Variants in PLS3 observed in about 807,000 individuals in gnomAD.
PLS3 encodes the protein plastin 3.
Under a neutral mutation model 46.5 loss-of-function variants are expected in PLS3, and 11 were observed. That is an observed-to-expected ratio of 0.24 (90% CI 0.15 to 0.39). PLS3 has a LOEUF of 0.39. Ranked by LOEUF, PLS3 falls within the 10% of genes least tolerant of loss-of-function variation. PLS3 has a pLI of 1.00. For missense variants in PLS3, 308 were observed against 461.8 expected, an observed-to-expected ratio of 0.67 and a Z score of 3.05; for synonymous variants, 167 against 162.2, an observed-to-expected ratio of 1.03 and a Z score of -0.22.
intron 13 of PLS3, 88 bp from the exon 14 acceptor site, chrX:115,647,462 T>A: frequency 1.1e-6 from 1 of 901,448 alleles, no homozygotes; most frequent in Non-Finnish European, 1.6e-6. Flanking sequence ...TTAAGAAATA[T>A]AAAAAGTGGA....
chrX:115,618,869 T>G (rs945614684), intron 2 of PLS3, among the ~76,000 whole-genome samples: 1 of 111,522 alleles, frequency 9.0e-6, no homozygotes, highest in Non-Finnish European at 1.9e-5. Context: ...CCAGCCTGGG[T>G]GACAGAGTGA....
chrX:115,583,361 T>C, intron 1 of PLS3, among the ~76,000 whole-genome samples: 1 of 112,675 alleles, frequency 8.9e-6, no homozygotes, highest in South Asian at 3.6e-4. Flanking sequence ...AATTAATTTG[T>C]ATTGTGTTTT....
intron 1 of PLS3, among the ~76,000 whole-genome samples, chrX:115,587,689 C>G (rs973414511): frequency 2.8e-5 from 3 of 105,942 alleles, no homozygotes; most frequent in East Asian, 6.0e-4. Flanking sequence ...GAGCCGAGAT[C>G]GCGCCACTGC....
intron 5 of PLS3, among the ~76,000 whole-genome samples, chrX:115,630,831 A>G (rs1471086358): frequency 4.3e-5 from 4 of 92,765 alleles, no homozygotes; most frequent in Non-Finnish European, 8.1e-5. Context: ...ATACATGTAT[A>G]TATGTATATA....
At chrX:115,623,023 C>A (rs950149563) in intron 3 of PLS3, among the ~76,000 whole-genome samples, 2 of 111,217 alleles carry the variant, frequency 1.8e-5, no homozygotes, top group African/African-American at 6.5e-5. Flanking sequence ...TTCACCCCCC[C>A]ACCCCACTCC....
intron 3 of PLS3, 106 bp downstream of exon 3, chrX:115,622,515 ATT>A: frequency 2.2e-6 from 1 of 446,456 alleles, no homozygotes; most frequent in Non-Finnish European, 3.7e-6. Context: ...AATATATCAT[ATT>A]AGTACTGTTA....
intron 5 of PLS3, among the ~76,000 whole-genome samples, chrX:115,632,324 A>G (rs1001607401): frequency 4.5e-5 from 5 of 110,853 alleles, no homozygotes; most frequent in Non-Finnish European, 9.4e-5. Flanking sequence ...AGCCAGGCAT[A>G]GTGGCTCGCA....
intron 8 of PLS3, among the ~76,000 whole-genome samples, chrX:115,637,598 A>G (rs1178591796): frequency 2.7e-5 from 3 of 111,706 alleles, no homozygotes; most frequent in Non-Finnish European, 5.6e-5. Flanking sequence ...AAAACTAACA[A>G]TGGAGGAAGA....
chrX:115,646,419 T>C lies in PLS3; in HGVS notation c.1395T>C (p.Tyr465=). ...ANMKKLENCN[Y]AVELGKHPAK... ...CTTTGCAGCTAGAAAACTGCAACTA[T>C]GCTGTTGAATTAGGGAAGCATCCTG... Residue 465 remains tyrosine (Y), a synonymous_variant, in exon 13 of 16, where the codon TAT becomes TAC. Coordinates refer to ENST00000355899, the MANE Select transcript of PLS3 (RefSeq NM_005032.7). 3.3e-6 allele frequency: 4 copies of C among 1,209,948 alleles called. No homozygotes were observed. The highest frequency in any genetic ancestry group is 4.5e-6 in the Non-Finnish European group (4 of 893,981).
intron 4 of PLS3, 114 bp from the exon 5 acceptor site, chrX:115,629,721 A>G: frequency 2.1e-6 from 1 of 474,265 alleles, no homozygotes; most frequent in Non-Finnish European, 3.5e-6. Flanking sequence ...GAATAACCAC[A>G]TGTTTCTGAC....
intron 1 of PLS3, among the ~76,000 whole-genome samples, chrX:115,580,673 G>T (rs1025629221): frequency 9.0e-6 from 1 of 111,564 alleles, no homozygotes; most frequent in South Asian, 3.7e-4. Context: ...AAAGAAGCTT[G>T]TCTATAACTA....
At chrX:115,615,399 T>G (rs2074587206) in intron 2 of PLS3, among the ~76,000 whole-genome samples, 1 of 106,177 alleles carries the variant, frequency 9.4e-6, no homozygotes, top group Non-Finnish European at 1.9e-5. Flanking sequence ...GGCGGGGGAG[T>G]TAAATAGTAT....
intron 5 of PLS3, among the ~76,000 whole-genome samples, chrX:115,633,450 G>A (rs1309162258): frequency 8.1e-5 from 9 of 111,141 alleles, no homozygotes; most frequent in African/African-American, 2.3e-4. Flanking sequence ...GATTACAGGC[G>A]TGAGCCACCA....
At chrX:115,630,854 ATG>A (rs782685538) in intron 5 of PLS3, among the ~76,000 whole-genome samples, 5,895 of 87,645 alleles carry the variant, frequency 0.067, 537 homozygotes, top group African/African-American at 0.21. Context: ...TGTATAATAT[ATG>A]TATATTATAC....
intron 6 of PLS3, among the ~76,000 whole-genome samples, chrX:115,634,646 C>T (rs1349812166): frequency 6.2e-5 from 7 of 112,187 alleles, no homozygotes; most frequent in Admixed American, 5.7e-4. Context: ...AATAAAAATA[C>T]AAAGTTAACT....
intron 1 of PLS3, among the ~76,000 whole-genome samples, chrX:115,575,617 GTATTTT>G (rs1406657046): frequency 9.0e-6 from 1 of 111,175 alleles, no homozygotes; most frequent in African/African-American, 3.3e-5. Flanking sequence ...CTAATTTTTT[GTATTTT>G]TAGTAGAGAC....
At chrX:115,596,880 C>T (rs373892025) in intron 1 of PLS3, among the ~76,000 whole-genome samples, 1 of 108,230 alleles carries the variant, frequency 9.2e-6, no homozygotes, top group South Asian at 4.2e-4. Context: ...TGCGGTGGCT[C>T]ACTCCTGTAA....
Position 115,645,046 on chromosome X carries a change from C to G in PLS3, c.1209C>G (p.Phe403Leu), listed in dbSNP as rs2074937050. 2.5e-6 allele frequency: 3 copies of G among 1,196,663 alleles called. No individual in the cohort carries two copies. The highest frequency in any genetic ancestry group is 3.4e-6 in the Non-Finnish European group (3 of 882,227). Residue 403 changes from phenylalanine (F) to leucine (L), a missense_variant, in exon 11 of 16, where the codon TTC becomes TTG. Coordinates refer to ENST00000355899, the MANE Select transcript of PLS3 (RefSeq NM_005032.7). ...GAGAAACTCGTGAAGAAAGAACCTT[C>G]CGTAACTGGATGAACTCTCTTGGTG... Reference protein sequence around the residue: ...LEGETREERTFRNWMNSLGVN... With the variant: ...LEGETREERTLRNWMNSLGVN...
intron 1 of PLS3, among the ~76,000 whole-genome samples, chrX:115,604,124 G>A (rs2074469385): frequency 8.9e-6 from 1 of 112,018 alleles, no homozygotes; most frequent in African/African-American, 3.2e-5. Context: ...AAAAGTGACT[G>A]ACAGGTTTTC....
Sources: allele counts gnomAD v4.1 joint callset (sites outside exome capture counted in the v4.1 genomes callset), GRCh38; gene constraint gnomAD v4.1.1; transcripts MANE v1.5; gene names NCBI Gene and HGNC (gene_info 2026-07-23, HGNC 2026-07-21).